ERICH1: variants seen among roughly 807,000 people sequenced by gnomAD.
ERICH1 encodes the protein glutamate-rich protein 1.
Under a neutral mutation model 39.6 loss-of-function variants are expected in ERICH1, and 56 were observed. The observed-to-expected ratio is 1.41, with a 90% CI of 1.14 to 1.77. The LOEUF (loss-of-function observed/expected upper bound fraction) is 1.77, where lower values mean the gene tolerates loss of function less well. Ranked by LOEUF, ERICH1 falls within the 40% of genes most tolerant of loss-of-function variation. The pLI, the probability that ERICH1 is intolerant of heterozygous loss-of-function variation, is 0.00. For missense variants in ERICH1, 826 were observed against 575.4 expected (o/e 1.44, Z -4.45); for synonymous variants, 313 against 223.6 (o/e 1.40, Z -3.57).
intron 2 of ERICH1, among the ~76,000 whole-genome samples, chr8:708,443 T>C (rs893890030): frequency 6.6e-6 from 1 of 152,132 alleles, no homozygotes; most frequent in African/African-American, 2.4e-5. Flanking sequence ...GGTCTATTCA[T>C]ACAGTGGAAT....
At chr8:672,841 A>G (rs1803737619) in intron 4 of ERICH1, among the ~76,000 whole-genome samples, 1 of 152,246 alleles carries the variant, frequency 6.6e-6, no homozygotes, top group Non-Finnish European at 1.5e-5. Context: ...AACCTGTCCT[A>G]AAGGCGCAAG....
chr8:670,712 A>C (rs553333721), intron 4 of ERICH1, among the ~76,000 whole-genome samples: 15 of 152,310 alleles, frequency 9.8e-5, no homozygotes, highest in African/African-American at 3.4e-4. Flanking sequence ...AAAGGTTCTA[A>C]GGGAAGCCAT....
chr8:699,479 T>C (rs963752839), intron 2 of ERICH1, among the ~76,000 whole-genome samples: 5 of 152,128 alleles, frequency 3.3e-5, no homozygotes, highest in Admixed American at 1.3e-4. Context: ...AGCACAACAA[T>C]GCTGCCTGGT....
At chr8:680,521 T>TC (rs1460768688) in intron 3 of ERICH1, among the ~76,000 whole-genome samples, 1 of 34,952 alleles carries the variant, frequency 2.9e-5, no homozygotes, top group Admixed American at 3.3e-4. Context: ...AGCTGCCACC[T>TC]CCCCCGGTAA....
At chr8:621,020 C>G (rs1196629153) in intron 3 of ERICH1, among the ~76,000 whole-genome samples, 1 of 152,090 alleles carries the variant, frequency 6.6e-6, no homozygotes, top group Non-Finnish European at 1.5e-5. Flanking sequence ...GGTGCATACA[C>G]CATAAAATAA....
At chr8:636,498 T>C (rs1219905571) in intron 3 of ERICH1, among the ~76,000 whole-genome samples, 1 of 152,244 alleles carries the variant, frequency 6.6e-6, no homozygotes, top group African/African-American at 2.4e-5. Context: ...TCGGGGCATC[T>C]GCCTGGGTTC....
chr8:627,219 C>T, intron 3 of ERICH1: 1 of 456,238 alleles, frequency 2.2e-6, no homozygotes, highest in South Asian at 1.5e-5. Flanking sequence ...CCCAGGCTCT[C>T]TGAGCTTCAG....
At chr8:681,151 G>A (rs1370458463) in intron 3 of ERICH1, among the ~76,000 whole-genome samples, 1 of 152,146 alleles carries the variant, frequency 6.6e-6, no homozygotes, top group Non-Finnish European at 1.5e-5. Flanking sequence ...CACTTCCCCT[G>A]CTGTCAACTG....
At chr8:676,301 CCCCCTCGGCGAGGACAGAGACGCGGCGG>C (rs1804739339) in intron 3 of ERICH1, among the ~76,000 whole-genome samples, 2 of 5,522 alleles carry the variant, frequency 3.6e-4, no homozygotes, top group African/African-American at 8.2e-4. Flanking sequence ...AGACGCGGCG[CCCCCTCGGCGAGGACAGAGACGCGGCGG>C]CCCCTCGGCG....
intron 4 of ERICH1, chr8:672,121 T>A (rs867921793): frequency 6.5e-6 from 1 of 152,856 alleles, no homozygotes; most frequent in Non-Finnish European, 1.5e-5. Context: ...GCTGTTTTCC[T>A]GAGTAGCTTC....
chr8:637,158 G>A (rs147371287), intron 3 of ERICH1, among the ~76,000 whole-genome samples: 84 of 152,312 alleles, frequency 5.5e-4, no homozygotes, highest in African/African-American at 2.0e-3. Context: ...TGGGCCCATC[G>A]GGGCTGTAGT....
chr8:716,345 C>T (rs1815991097), intron 1 of ERICH1, among the ~76,000 whole-genome samples: 1 of 152,256 alleles, frequency 6.6e-6, no homozygotes, highest in Non-Finnish European at 1.5e-5. Context: ...GGTTCAGGCA[C>T]ATGCAGGCCA....
chr8:721,157 A>G (rs1357677104), intron 1 of ERICH1, among the ~76,000 whole-genome samples: 2 of 152,264 alleles, frequency 1.3e-5, no homozygotes, highest in Non-Finnish European at 2.9e-5. Flanking sequence ...ATTTTAACTC[A>G]GTTTAATACA....
intron 2 of ERICH1, among the ~76,000 whole-genome samples, chr8:700,119 C>T (rs1369997704): frequency 2.2e-5 from 3 of 137,380 alleles, no homozygotes; most frequent in Non-Finnish European, 3.1e-5. Flanking sequence ...GCGCACACAC[C>T]CTCACAGGCG....
At position 716,022 on chromosome 8, in the gene ERICH1, G is replaced by T. The variant is rs200099840; in HGVS notation, c.23-15C>A. The T allele has an allele frequency of 2.2e-5, 35 of 1,575,590 alleles. No individual in the cohort carries two copies. Among genetic ancestry groups the T allele is most frequent in the Non-Finnish European group, 2.8e-5 (33 of 1,165,632 alleles). ...CTCCACAAACACTGTACAGACAACC[G>T]ATTAAAAGAAAAGGAGGAAAAGGAA... On this transcript the variant is annotated splice_polypyrimidine_tract_variant and intron_variant, in intron 1 of 5. Coordinates refer to ENST00000262109, the MANE Select transcript of ERICH1 (RefSeq NM_207332.3).
exon 4 of ERICH1, chr8:615,166 G>A (rs992761348): frequency 3.2e-6 from 2 of 632,260 alleles, no homozygotes; most frequent in Non-Finnish European, 5.6e-6. Flanking sequence ...ATCACACAAA[G>A]TCGAAAGTAG....
intron 3 of ERICH1, among the ~76,000 whole-genome samples, chr8:637,830 T>C (rs62486200): frequency 0.016 from 2,471 of 152,308 alleles, 27 homozygotes; most frequent in Middle Eastern, 0.027. Flanking sequence ...GACCCCGCTG[T>C]AGTCACCAGC....
intron 3 of ERICH1, chr8:616,161 A>C: frequency 5.2e-6 from 1 of 193,400 alleles, no homozygotes; most frequent in Non-Finnish European, 1.1e-5. Context: ...TAATAAGTAT[A>C]TTAAACTCAA....
chr8:654,741 A>T (rs1323405395), intron 3 of ERICH1, among the ~76,000 whole-genome samples: 2 of 152,030 alleles, frequency 1.3e-5, no homozygotes, highest in Non-Finnish European at 2.9e-5. Context: ...CCCCACAAGG[A>T]CTTGGGCTGA....
Sources: allele counts gnomAD v4.1 joint callset (sites outside exome capture counted in the v4.1 genomes callset), GRCh38; gene constraint gnomAD v4.1.1; transcripts MANE v1.5; gene names NCBI Gene and HGNC (gene_info 2026-07-23, HGNC 2026-07-21).